Variants in COBL observed in about 807,000 individuals in gnomAD.
The protein encoded by COBL is protein cordon-bleu.
In COBL, 51 loss-of-function variants were observed where a neutral mutation model predicts 98.8. That is an observed-to-expected ratio of 0.52 (90% CI 0.41 to 0.65). The LOEUF (loss-of-function observed/expected upper bound fraction) is 0.65. Ranked by LOEUF, COBL falls within the 30% of genes least tolerant of loss-of-function variation. The pLI, the probability that COBL is intolerant of heterozygous loss-of-function variation, is 0.00. For synonymous variants in COBL, 634 were observed against 651.7 expected (o/e 0.97, Z 0.41); for missense variants, 1,617 against 1,617.5 (o/e 1.00, Z 0.01).
chr7:51,204,181 T>C (rs945975014), intron 2 of COBL, among the ~76,000 whole-genome samples: 6 of 152,176 alleles, frequency 3.9e-5, no homozygotes, highest in African/African-American at 1.4e-4. Flanking sequence ...TATCCATGCA[T>C]GCTGAAACTC....
At chr7:51,065,232 G>C (rs1332312778) in intron 7 of COBL, 1 of 703,402 alleles carries the variant, frequency 1.4e-6, no homozygotes, top group Admixed American at 2.0e-5. Context: ...GTCTAAGTGT[G>C]CACATGCATT....
intron 1 of COBL, among the ~76,000 whole-genome samples, chr7:51,241,915 T>C (rs1795828036): frequency 6.6e-6 from 1 of 151,642 alleles, no homozygotes; most frequent in African/African-American, 2.4e-5. Flanking sequence ...CTAAGGCCAA[T>C]TCACGCTGAC....
intron 1 of COBL, among the ~76,000 whole-genome samples, chr7:51,232,640 C>T (rs544201586): frequency 4.7e-4 from 71 of 152,168 alleles, no homozygotes; most frequent in Non-Finnish European, 7.8e-4. Context: ...TGAAACCCTG[C>T]CTCTACTAAA....
chr7:51,285,898 C>T (rs1183200811), intron 1 of COBL, among the ~76,000 whole-genome samples: 2 of 152,122 alleles, frequency 1.3e-5, no homozygotes, highest in Non-Finnish European at 2.9e-5. Flanking sequence ...AGTTATAAAT[C>T]AATTAAACAA....
chr7:51,200,029 C>A (rs944153756), intron 2 of COBL, among the ~76,000 whole-genome samples: 1 of 152,052 alleles, frequency 6.6e-6, no homozygotes, highest in South Asian at 2.1e-4. Context: ...TTGAAAGCAG[C>A]AAGAGAAAGG....
chr7:51,125,479 A>G (rs1798113127), intron 6 of COBL, among the ~76,000 whole-genome samples: 1 of 152,188 alleles, frequency 6.6e-6, no homozygotes, highest in African/African-American at 2.4e-5. Flanking sequence ...ACACCCTTTC[A>G]CTTAAATGTT....
chr7:51,136,263 C>T lies in COBL; in HGVS notation c.852G>A (p.Ser284=), dbSNP rs201927430. The change falls in exon 6 of 13, where the codon TCG becomes TCA. Residue 284 remains serine (S), a synonymous_variant. Transcript: ENST00000265136. ...CGGACACCCCTGAGATGCTGCCCAG[C>T]GAGAGGGATGGACCCAGCGTAAGAG... ...SRSLTLGPSL[S]LGSISGVSVK... 3.2e-5 allele frequency: 52 copies of T among 1,614,006 alleles called. No homozygotes were observed. Among genetic ancestry groups the T allele is most frequent in the Middle Eastern group, 3.4e-4 (2 of 5,966 alleles).
intron 1 of COBL, among the ~76,000 whole-genome samples, chr7:51,288,796 TGGG>T (rs879819418): frequency 0.077 from 10,648 of 138,006 alleles, 573 homozygotes; most frequent in East Asian, 0.3. Context: ...AAAATACAAA[TGGG>T]AAATAAGAAC....
At chr7:51,146,349 C>T (rs1785029251) in intron 5 of COBL, among the ~76,000 whole-genome samples, 2 of 152,204 alleles carry the variant, frequency 1.3e-5, no homozygotes, top group Admixed American at 1.3e-4. Flanking sequence ...TGCTGCAAAG[C>T]ATAACGGCTG....
chr7:51,136,033 G>A, intron 6 of COBL, 125 bp downstream of exon 6: 2 of 1,200,978 alleles, frequency 1.7e-6, no homozygotes, highest in Non-Finnish European at 2.3e-6. Context: ...TTAAATACTT[G>A]CCCCCAACAC....
At chr7:51,280,421 C>T (rs1799716880) in intron 1 of COBL, among the ~76,000 whole-genome samples, 1 of 152,178 alleles carries the variant, frequency 6.6e-6, no homozygotes, top group South Asian at 2.1e-4. Context: ...CAGGGACTCG[C>T]AAAGCTTCAA....
In COBL at chr7:51,023,959, C is replaced by T. The variant is rs190456972; in HGVS notation, c.3768+1150G>A. ...AGAAAGTGAGGATAATCTTTAGCAC[C>T]GAATGCTTGGGTACAAGTGAAAACA... On this transcript the variant is annotated intron_variant, in intron 12 of 12. Coordinates refer to ENST00000265136, the MANE Select transcript of COBL (RefSeq NM_015198.5). 7.9e-5 allele frequency among the ~76,000 whole-genome samples: 12 copies of T among 152,228 alleles called. No homozygotes were observed. In the East Asian group the frequency reaches 1.5e-3, roughly 20 times the overall value.
chr7:51,306,680 C>T (rs1802505964), intron 1 of COBL, among the ~76,000 whole-genome samples: 1 of 152,170 alleles, frequency 6.6e-6, no homozygotes. Flanking sequence ...CCTCTCCTAT[C>T]ACACACCACG....
intron 5 of COBL, among the ~76,000 whole-genome samples, chr7:51,164,092 A>C (rs1787071715): frequency 6.6e-6 from 1 of 152,154 alleles, no homozygotes; most frequent in African/African-American, 2.4e-5. Context: ...TAAGAGTTTT[A>C]TCTCTTTCCT....
chr7:51,151,665 G>A (rs1785575611), intron 5 of COBL, among the ~76,000 whole-genome samples: 1 of 152,246 alleles, frequency 6.6e-6, no homozygotes, highest in Admixed American at 6.5e-5. Context: ...CTGCATCAAA[G>A]TCCAGTAAGC....
intron 2 of COBL, among the ~76,000 whole-genome samples, chr7:51,197,352 G>C (rs185223733): frequency 2.0e-5 from 3 of 151,938 alleles, no homozygotes; most frequent in Non-Finnish European, 4.4e-5. Flanking sequence ...TATTAGTCTT[G>C]ATTTCTAATT....
chr7:51,099,143 T>C (rs1012539095), intron 6 of COBL, among the ~76,000 whole-genome samples: 1 of 150,650 alleles, frequency 6.6e-6, no homozygotes, highest in Non-Finnish European at 1.5e-5. Context: ...GCGGAGAAAT[T>C]AGAATTCTTA....
chr7:51,238,148 T>C (rs1322816967), intron 1 of COBL, among the ~76,000 whole-genome samples: 2 of 152,238 alleles, frequency 1.3e-5, no homozygotes, highest in Non-Finnish European at 2.9e-5. Flanking sequence ...GGGTCTCCCT[T>C]GGCCGCCTCC....
chr7:51,100,324 T>C (rs1189091071), intron 6 of COBL, among the ~76,000 whole-genome samples: 1 of 152,250 alleles, frequency 6.6e-6, no homozygotes, highest in Non-Finnish European at 1.5e-5. Flanking sequence ...ATAGGAACTG[T>C]AGTGGATTCA....
Sources: gnomAD v4.1 joint callset for allele counts (sites outside exome capture counted in the v4.1 genomes callset) on GRCh38, gnomAD v4.1.1 for gene constraint, MANE v1.5 for transcripts, NCBI Gene and HGNC (gene_info 2026-07-23, HGNC 2026-07-21) for gene names.